The following INPP4B variants were observed in gnomAD, a reference collection of about 807,000 sequenced individuals.
The protein encoded by INPP4B is inositol polyphosphate 4-phosphatase type II.
In INPP4B, 55 loss-of-function variants were observed where a neutral mutation model predicts 122.5. That is an observed-to-expected ratio of 0.45 (90% CI 0.36 to 0.56). The LOEUF (loss-of-function observed/expected upper bound fraction) is 0.56, where lower values mean the gene tolerates loss of function less well. Ranked by LOEUF, INPP4B falls within the 20% of genes least tolerant of loss-of-function variation. INPP4B has a pLI of 0.00. For synonymous variants in INPP4B, 403 were observed against 388.7 expected (o/e 1.04, Z -0.43); for missense variants, 1,000 against 1,097.7 (o/e 0.91, Z 1.26).
intron 11 of INPP4B, among the ~76,000 whole-genome samples, chr4:142,248,336 C>CTCTCT (rs756252445): frequency 0.011 from 1,145 of 106,380 alleles, 9 homozygotes; most frequent in Non-Finnish European, 0.015. Context: ...CTCTCTCTCT[C>CTCTCT]TTTTTTTTTT....
intron 25 of INPP4B, among the ~76,000 whole-genome samples, chr4:142,047,060 G>A (rs960832485): frequency 3.3e-5 from 5 of 151,910 alleles, no homozygotes; most frequent in African/African-American, 1.2e-4. Context: ...TAATCAGACT[G>A]GGTCTAACAG....
At chr4:142,843,815 T>C (rs897371578) in intron 1 of INPP4B, among the ~76,000 whole-genome samples, 1 of 152,122 alleles carries the variant, frequency 6.6e-6, no homozygotes, top group Non-Finnish European at 1.5e-5. Flanking sequence ...AATTGTCATC[T>C]TGGGTTCTCC....
intron 9 of INPP4B, 23 bp from the exon 10 acceptor site, chr4:142,270,797 T>C: frequency 6.7e-7 from 1 of 1,502,848 alleles, no homozygotes. Flanking sequence ...ATACACGAAA[T>C]GGAAAGGTAA....
intron 2 of INPP4B, among the ~76,000 whole-genome samples, chr4:142,559,845 ATCT>A (rs1228195382): frequency 6.6e-6 from 1 of 152,236 alleles, no homozygotes; most frequent in East Asian, 1.9e-4. Context: ...TTCTTGCTTG[ATCT>A]TCTTCCTATT....
At chr4:142,174,601 AATTG>A (rs1410311982) in intron 15 of INPP4B, among the ~76,000 whole-genome samples, 3 of 149,298 alleles carry the variant, frequency 2.0e-5, no homozygotes, top group Admixed American at 6.9e-5. Context: ...AGAAATCTAA[AATTG>A]ATTATTAACT....
At chr4:142,616,507 T>C (rs1341308497) in intron 2 of INPP4B, among the ~76,000 whole-genome samples, 1 of 152,190 alleles carries the variant, frequency 6.6e-6, no homozygotes, top group Non-Finnish European at 1.5e-5. Context: ...GTGCTTAGCA[T>C]GTTAAAGAGC....
At chr4:142,390,345 T>G (rs1797267451) in intron 7 of INPP4B, among the ~76,000 whole-genome samples, 1 of 151,946 alleles carries the variant, frequency 6.6e-6, no homozygotes, top group Non-Finnish European at 1.5e-5. Context: ...GAAAGCGGAG[T>G]CTTCCCTCTA....
At chr4:142,366,135 TAAG>T (rs1787375831) in intron 7 of INPP4B, among the ~76,000 whole-genome samples, 1 of 152,096 alleles carries the variant, frequency 6.6e-6, no homozygotes. Context: ...CCCTCACCAT[TAAG>T]AAGGTTCTTT....
At chr4:142,157,109 T>C (rs1483268779) in intron 17 of INPP4B, among the ~76,000 whole-genome samples, 1 of 152,138 alleles carries the variant, frequency 6.6e-6, no homozygotes. Flanking sequence ...CTGAAACTTT[T>C]CTAACAACTA....
Position 142,392,158 on chromosome 4 carries a change from G to A in INPP4B, c.372+10780C>T, listed in dbSNP as rs552663826. Among the ~76,000 whole-genome samples the A allele has an allele frequency of 2.6e-5, 4 of 152,204 alleles. No individual in the cohort carries two copies. The South Asian group carries it at 8.3e-4, about 32-fold the overall frequency. ...GGTTTATAATCTCACAACTGAGAAT[G>A]GTCCCTGCACACTGTTGGAACTGTA... On this transcript the variant is annotated intron_variant, in intron 7 of 25. Transcript: ENST00000262992.
chr4:142,246,201 G>C (rs941228670), intron 11 of INPP4B, among the ~76,000 whole-genome samples: 2 of 151,664 alleles, frequency 1.3e-5, no homozygotes, highest in African/African-American at 2.4e-5. Flanking sequence ...TAGCCTTGGA[G>C]TATAGTTTGA....
intron 2 of INPP4B, among the ~76,000 whole-genome samples, chr4:142,724,008 T>C (rs1765028907): frequency 6.6e-6 from 1 of 152,142 alleles, no homozygotes; most frequent in Admixed American, 6.5e-5. Context: ...CATACATATC[T>C]TGGATCATAA....
rs544523736 is a variant in INPP4B, at chr4:142,635,585, T to A, written c.-191+90254A>T. Among the ~76,000 whole-genome samples the A allele has an allele frequency of 9.2e-5, 14 of 152,272 alleles. No individual in the cohort carries two copies. In the South Asian group the frequency reaches 1.9e-3, roughly 20 times the overall value. Reference sequence around the variant, plus strand: ...CATGGATGGAGCTAGAGGCTATTATTTTTAGCAAAATAGCACAGGAACAGA... The same window carrying A: ...CATGGATGGAGCTAGAGGCTATTATATTTAGCAAAATAGCACAGGAACAGA... On this transcript the variant is annotated intron_variant, in intron 2 of 25. Transcript: ENST00000262992.
At chr4:142,337,942 T>C (rs1203406432) in intron 7 of INPP4B, among the ~76,000 whole-genome samples, 1 of 151,608 alleles carries the variant, frequency 6.6e-6, no homozygotes, top group Non-Finnish European at 1.5e-5. Flanking sequence ...AAGGAGTATA[T>C]AATTGTATAT....
At chr4:142,485,394 C>CT (rs1354361933) in intron 2 of INPP4B, among the ~76,000 whole-genome samples, 1 of 152,082 alleles carries the variant, frequency 6.6e-6, no homozygotes, top group African/African-American at 2.4e-5. Context: ...TACAAGGGCT[C>CT]TGTTTTCCAA....
intron 7 of INPP4B, among the ~76,000 whole-genome samples, chr4:142,360,903 C>T (rs1269193269): frequency 5.9e-5 from 9 of 151,944 alleles, no homozygotes. Context: ...AGCTGAATTT[C>T]ACCAAGGGCA....
chr4:142,253,575 G>A (rs1360384613), intron 11 of INPP4B, among the ~76,000 whole-genome samples: 1 of 152,200 alleles, frequency 6.6e-6, no homozygotes, highest in Non-Finnish European at 1.5e-5. Flanking sequence ...CCCTTTCCTA[G>A]TCAAAGAAAG....
intron 7 of INPP4B, among the ~76,000 whole-genome samples, chr4:142,374,209 TTAAG>T (rs1233105259): frequency 6.6e-6 from 1 of 151,944 alleles, no homozygotes; most frequent in Non-Finnish European, 1.5e-5. Context: ...CTCTCAGTGC[TTAAG>T]TAACTGGCCC....
chr4:142,103,868 C>T (rs1785696172), intron 23 of INPP4B, among the ~76,000 whole-genome samples: 1 of 151,740 alleles, frequency 6.6e-6, no homozygotes, highest in Non-Finnish European at 1.5e-5. Flanking sequence ...CATTACAGTA[C>T]TAAATTTTTT....
Sources: gnomAD v4.1 joint callset for allele counts (sites outside exome capture counted in the v4.1 genomes callset) on GRCh38, gnomAD v4.1.1 for gene constraint, MANE v1.5 for transcripts, NCBI Gene and HGNC (gene_info 2026-07-23, HGNC 2026-07-21) for gene names.